The following PTPN13 variants were observed in gnomAD, a reference collection of about 807,000 sequenced individuals.
The protein encoded by PTPN13 is protein tyrosine phosphatase non-receptor type 13, also known as tyrosine-protein phosphatase non-receptor type 13.
In PTPN13, 191 loss-of-function variants were observed where a neutral mutation model predicts 284.0. The ratio of observed to expected loss-of-function variants is 0.67; its 90% CI spans 0.60 to 0.76. The LOEUF (loss-of-function observed/expected upper bound fraction) is 0.76, where lower values mean the gene tolerates loss of function less well. Among genes scored for constraint, PTPN13 ranks in the 30% least tolerant of loss-of-function variants. The probability of loss-of-function intolerance (pLI) is 0.00; values close to 1 mark genes in which losing one functional copy is unlikely to be tolerated. For synonymous variants in PTPN13, 986 were observed against 1,022.3 expected, an observed-to-expected ratio of 0.96 and a Z score of 0.68; for missense variants, 2,797 against 2,939.9, an observed-to-expected ratio of 0.95 and a Z score of 1.12.
chr4:86,743,889 C>T (rs1736436120), intron 16 of PTPN13, among the ~76,000 whole-genome samples: 1 of 152,070 alleles, frequency 6.6e-6, no homozygotes, highest in Non-Finnish European at 1.5e-5. Context: ...GCACAGTAGC[C>T]AAGAGCTAGA....
intron 1 of PTPN13, among the ~76,000 whole-genome samples, chr4:86,633,063 C>T (rs1418537804): frequency 6.6e-6 from 1 of 152,144 alleles, no homozygotes; most frequent in Non-Finnish European, 1.5e-5. Flanking sequence ...ACCTTAGCCT[C>T]CCAAATTGCT....
intron 1 of PTPN13, among the ~76,000 whole-genome samples, chr4:86,607,657 G>C (rs1405403623): frequency 2.0e-5 from 3 of 151,920 alleles, no homozygotes; most frequent in African/African-American, 4.8e-5. Context: ...CTTTTGACAT[G>C]AGCAGTATTA....
At chr4:86,765,837 T>G (rs1021833795) in intron 26 of PTPN13, among the ~76,000 whole-genome samples, 6 of 151,956 alleles carry the variant, frequency 3.9e-5, no homozygotes, top group African/African-American at 1.4e-4. Flanking sequence ...GTTGTTGTTT[T>G]TTTTTTTCGA....
At chr4:86,693,802 G>A (rs979016107) in intron 6 of PTPN13, 128 bp downstream of exon 6, 13 of 543,684 alleles carry the variant, frequency 2.4e-5, no homozygotes, top group Non-Finnish European at 4.0e-5. Flanking sequence ...CGTACAAACT[G>A]GAGGTAGGGA....
intron 7 of PTPN13, among the ~76,000 whole-genome samples, chr4:86,711,607 A>G (rs769351330): frequency 3.3e-5 from 5 of 152,186 alleles, no homozygotes; most frequent in Non-Finnish European, 7.4e-5. Flanking sequence ...ACTCATAGGA[A>G]GTCAAAAAGA....
intron 7 of PTPN13, among the ~76,000 whole-genome samples, chr4:86,707,079 G>A (rs1731856776): frequency 6.6e-6 from 1 of 152,120 alleles, no homozygotes; most frequent in African/African-American, 2.4e-5. Context: ...TGCTCTGTGG[G>A]TTGGCAGTAG....
At chr4:86,711,263 C>T (rs914954160) in intron 7 of PTPN13, among the ~76,000 whole-genome samples, 3 of 152,006 alleles carry the variant, frequency 2.0e-5, no homozygotes, top group African/African-American at 7.3e-5. Context: ...ATCCACCTGC[C>T]TCAGCCTCCC....
intron 4 of PTPN13, 73 bp downstream of exon 4, chr4:86,686,848 A>T: frequency 9.8e-7 from 1 of 1,019,806 alleles, no homozygotes; most frequent in South Asian, 1.5e-5. Context: ...TAGCTCTTCC[A>T]CACGTTTATA....
Position 86,753,607 on chromosome 4 carries a change from G to A in PTPN13, c.3223+542G>A, listed in dbSNP as rs74762706. Among the ~76,000 whole-genome samples, 51 of 152,166 alleles carry A rather than the reference G, an allele frequency of 3.4e-4. 1 individual carries two copies. The highest frequency in any genetic ancestry group is 1.2e-3 in the African/African-American group (49 of 41,556). The stretch of plus-strand genomic sequence containing the variant: ...TGAGGATATTTTGAAGACTTTAAAT[G>A]CTGAGATTATAGTTTAGAAGGAATC... On this transcript the variant is annotated intron_variant, in intron 20 of 47. Coordinates refer to ENST00000411767, the MANE Select transcript of PTPN13 (RefSeq NM_080683.3).
At chr4:86,748,323 T>C (rs2149197754) in intron 17 of PTPN13, among the ~76,000 whole-genome samples, 1 of 152,296 alleles carries the variant, frequency 6.6e-6, no homozygotes, top group Non-Finnish European at 1.5e-5. Context: ...TTCTAATCTA[T>C]GTTGGAGTTC....
At position 86,751,079 on chromosome 4, in the gene PTPN13, T is replaced by C. The variant is rs1270591842; in HGVS notation, c.3121T>C (p.Ser1041Pro). 3.1e-6 allele frequency: 5 copies of C among 1,609,828 alleles called. No individual in the cohort carries two copies. The highest frequency in any genetic ancestry group is 4.3e-6 in the Non-Finnish European group (5 of 1,176,426). The change falls in exon 19 of 48, where the codon TCA becomes CCA. Residue 1041 changes from serine (S) to proline (P), a missense_variant. By Grantham distance (74) the Ser-to-Pro change is moderately conservative. Transcript: ENST00000411767. ...AAGTCCTGAAAGGAGGAAACATGAA[T>C]CAGACTCCTCATCCATTGAAGACCC... ...NRSPERRKHESDSSSIEDPGQ... is the reference protein window; with the variant it reads ...NRSPERRKHEPDSSSIEDPGQ...
chr4:86,692,994 G>A (rs1247984207), intron 5 of PTPN13, among the ~76,000 whole-genome samples: 4 of 149,442 alleles, frequency 2.7e-5, no homozygotes, highest in African/African-American at 5.0e-5. Flanking sequence ...CATGAGAATC[G>A]CTTGAACCTG....
chr4:86,624,931 A>C (rs1379704355), intron 1 of PTPN13, among the ~76,000 whole-genome samples: 2 of 152,140 alleles, frequency 1.3e-5, no homozygotes, highest in Admixed American at 1.3e-4. Flanking sequence ...AGTGAAAGCC[A>C]TTCTTTGAGG....
At chr4:86,798,994 A>T in intron 41 of PTPN13, 107 bp from the exon 42 acceptor site, 1 of 675,850 alleles carries the variant, frequency 1.5e-6, no homozygotes, top group Non-Finnish European at 2.4e-6. Context: ...TTTCTTAGAC[A>T]TTCTATTTTA....
chr4:86,800,661 A>AAG lies in PTPN13; in HGVS notation c.6505+1469_6505+1470dup, dbSNP rs764633838. On this transcript the variant is annotated intron_variant, in intron 42 of 47. Transcript: ENST00000411767. Reference sequence around the variant, plus strand: ...AGTGAGATCCTGTCAGAAAGAAAGAAAGAGAGAGAGAGAAAGAGAGAGAAG... The same window carrying AAG: ...AGTGAGATCCTGTCAGAAAGAAAGAAAGAGAGAGAGAGAGAAAGAGAGAGAAG... Among the ~76,000 whole-genome samples, 4 of 150,568 alleles carry AAG rather than the reference A, an allele frequency of 2.7e-5. No homozygotes were observed. The East Asian group carries it at 7.9e-4, about 30-fold the overall frequency.
intron 7 of PTPN13, among the ~76,000 whole-genome samples, chr4:86,712,528 A>C (rs1732537175): frequency 6.6e-6 from 1 of 152,050 alleles, no homozygotes; most frequent in African/African-American, 2.4e-5. Flanking sequence ...AGAACACAAG[A>C]AGCTCACAAA....
chr4:86,722,178 C>T (rs770009187), intron 9 of PTPN13, 34 bp from the exon 10 acceptor site: 1 of 1,550,918 alleles, frequency 6.4e-7, no homozygotes, highest in Non-Finnish European at 8.9e-7. Flanking sequence ...TTGTTTTCCT[C>T]CCAATCCTCA....
chr4:86,718,176 C>A (rs1277578894), intron 9 of PTPN13, among the ~76,000 whole-genome samples: 9 of 152,132 alleles, frequency 5.9e-5, no homozygotes, highest in Admixed American at 5.9e-4. Flanking sequence ...TATTAGAGAA[C>A]AAGAGGTTGC....
intron 34 of PTPN13, 45 bp downstream of exon 34, chr4:86,775,387 C>T: frequency 6.2e-7 from 1 of 1,601,626 alleles, no homozygotes; most frequent in Non-Finnish European, 8.5e-7. Flanking sequence ...TCTTGGTTAG[C>T]TTAAGAGTAA....
Sources: gnomAD v4.1 joint callset for allele counts (sites outside exome capture counted in the v4.1 genomes callset) on GRCh38, gnomAD v4.1.1 for gene constraint, MANE v1.5 for transcripts, NCBI Gene and HGNC (gene_info 2026-07-23, HGNC 2026-07-21) for gene names.